The following ZNF587 variants were observed in gnomAD, a reference collection of about 807,000 sequenced individuals.
ZNF587 encodes the protein zinc finger protein 587, also known as zinc finger protein zfp6.
ZNF587 carries 8 observed loss-of-function variants against 7.5 expected under a neutral mutation model. The observed-to-expected ratio is 1.06, with a 90% confidence interval of 0.62 to 1.92. ZNF587 has a LOEUF of 1.92. ZNF587 is among the 40% of genes most tolerant of loss of function. ZNF587 has a pLI of 0.00. For missense variants in ZNF587, 468 were observed against 692.8 expected (o/e 0.68, Z 3.64); for synonymous variants, 145 against 237.8 (o/e 0.61, Z 3.59).
rs924928477 is a variant in ZNF587 at position 57,858,357 on chromosome 19, C to T, written c.164-219C>T. ...GTTCATGCTGGTCTTGAACTTCTGA[C>T]CTCAGGTGATCCACCCGCCTCAGCC... On this transcript the variant is annotated intron_variant, in intron 2 of 2. Transcript: ENST00000339656. 3.7e-6 allele frequency: 3 copies of T among 819,928 alleles called. No individual in the cohort carries two copies. In the African/African-American group the frequency reaches 5.3e-5, roughly 14 times the overall value. 50.8% of individuals were successfully genotyped at this position (819,928 alleles called of 1,614,324 possible).
Position 57,860,985 on chromosome 19 carries a change from G to C in ZNF587, c.*845G>C, listed in dbSNP as rs1365442842. ...TGATTCTTCTGCCTCAGCCTCCCGA[G>C]TAGCAGGGATTACCGGTGTGCACCA... On this transcript the variant is annotated 3_prime_UTR_variant, in exon 3 of 3. Coordinates refer to ENST00000339656, the MANE Select transcript of ZNF587 (RefSeq NM_032828.4). 2 of 152,088 alleles carry C rather than the reference G, an allele frequency of 1.3e-5. No homozygotes were observed. Among genetic ancestry groups the C allele is most frequent in the Non-Finnish European group, 2.9e-5 (2 of 68,046 alleles). 9.4% of individuals were successfully genotyped at this position (152,088 alleles called of 1,614,324 possible). A position where few individuals can be genotyped will look rare whatever the true frequency, so the allele number is the denominator to read the frequency against.
intron 1 of ZNF587, chr19:57,852,398 G>C (rs2071291768): frequency 2.5e-6 from 1 of 398,626 alleles, no homozygotes; most frequent in South Asian, 1.3e-4. Flanking sequence ...ACTGTGGGTT[G>C]AGGGAAGAGG....
intron 1 of ZNF587, chr19:57,852,326 A>C: frequency 2.5e-6 from 1 of 398,582 alleles, no homozygotes; most frequent in Non-Finnish European, 4.4e-6. Flanking sequence ...CAAAGTCAGG[A>C]GGTGATATTA....
chr19:57,855,563 TTG>T (rs1357341800), intron 1 of ZNF587, among the ~76,000 whole-genome samples: 2 of 145,538 alleles, frequency 1.4e-5, no homozygotes, highest in African/African-American at 2.7e-5. Context: ...TGGGCTTTTT[TTG>T]TTTTTTTTTT....
At chr19:57,851,641 G>T in intron 1 of ZNF587, 1 of 152,734 alleles carries the variant, frequency 6.5e-6, no homozygotes, top group South Asian at 2.0e-4. Flanking sequence ...CATCTGTCAG[G>T]AACAACGTGT....
intron 1 of ZNF587, chr19:57,852,255 C>T (rs576208645): frequency 1.3e-5 from 5 of 398,150 alleles, no homozygotes; most frequent in African/African-American, 1.0e-4. Context: ...ATGTAAACAC[C>T]CTTGTAAGAT....
At position 57,852,840 on chromosome 19, in the gene ZNF587, CTTTTTTTTTTT is replaced by C. The variant is rs35543941; in HGVS notation, c.33+2789_33+2799del. ...AATGCGCCCAGCCGAGACAGCTAGGCTTTTTTTTTTTTTTTTTTTTTTTTTTTTTTGAGACG... is the reference window on the plus strand; with the variant it reads ...AATGCGCCCAGCCGAGACAGCTAGGCTTTTTTTTTTTTTTTTTTTGAGACG... On this transcript the variant is annotated intron_variant, in intron 1 of 2. Coordinates refer to ENST00000339656, the MANE Select transcript of ZNF587 (RefSeq NM_032828.4). Among the ~76,000 whole-genome samples the C allele has an allele frequency of 1.4e-3, 36 of 25,280 alleles. 1 individual carries two copies. The highest frequency in any genetic ancestry group is 3.6e-3 in the East Asian group (3 of 842). 16.6% of individuals were successfully genotyped at this position (25,280 alleles called of 152,430 possible).
At chr19:57,850,685 CG>C in intron 1 of ZNF587, 1 of 397,354 alleles carries the variant, frequency 2.5e-6, no homozygotes, top group Non-Finnish European at 4.4e-6. Context: ...ATTTAAAAGG[CG>C]GGTCCAGGTG....
chr19:57,863,092 C>G lies in ZNF587; in HGVS notation c.*2952C>G, dbSNP rs932560208. The G allele has an allele frequency of 3.3e-5, 5 of 152,800 alleles. No homozygotes were observed. Among genetic ancestry groups the G allele is most frequent in the African/African-American group, 9.7e-5 (4 of 41,422 alleles). 9.5% of individuals were successfully genotyped at this position (152,800 alleles called of 1,614,324 possible). ...TCAGCCTCCTGAGTAGCTGGGACCA[C>G]AAGCGCCCACCACGTCAGCTTAATT... On this transcript the variant is annotated 3_prime_UTR_variant, in exon 3 of 3. Coordinates refer to ENST00000339656, the MANE Select transcript of ZNF587 (RefSeq NM_032828.4).
rs892411997 is a variant in ZNF587, at chr19:57,862,488, C to A, written c.*2348C>A. The A allele has an allele frequency of 3.2e-5, 5 of 153,896 alleles. No individual in the cohort carries two copies. The highest frequency in any genetic ancestry group is 1.2e-4 in the African/African-American group (5 of 41,484). The allele number at this position is 153,896 out of a possible 1,614,324, so 9.5% of individuals were successfully genotyped here. ...CATTAACTAATTTCCTCACTCCAAG[C>A]TCTTTTCTAGAGATAATCTCCAGTC... On this transcript the variant is annotated 3_prime_UTR_variant, in exon 3 of 3. Coordinates refer to ENST00000339656, the MANE Select transcript of ZNF587 (RefSeq NM_032828.4).
Position 57,850,684 on chromosome 19 carries a change from G to T in ZNF587, c.33+613G>T, listed in dbSNP as rs1188755384. The T allele has an allele frequency of 1.3e-5, 5 of 397,698 alleles. No individual in the cohort carries two copies. In the East Asian group the frequency reaches 1.8e-4, roughly 14 times the overall value. The allele number at this position is 397,698 out of a possible 1,614,324, so 24.6% of individuals were successfully genotyped here. On this transcript the variant is annotated intron_variant, in intron 1 of 2. Transcript: ENST00000339656. ...AAGAGACAGAATACGCATTTAAAAG[G>T]CGGGTCCAGGTGGCCAGAGCATTGG...
intron 1 of ZNF587, among the ~76,000 whole-genome samples, chr19:57,853,472 G>C (rs2071309060): frequency 6.6e-6 from 1 of 152,178 alleles, no homozygotes; most frequent in South Asian, 2.1e-4. Flanking sequence ...AGGAGGACAT[G>C]CTTCAGATTA....
rs2071458784 is a variant in ZNF587, at chr19:57,863,197, A to G, written c.*3057A>G. 6.6e-6 allele frequency: 1 copy of G among 152,152 alleles called. No individual in the cohort carries two copies. 9.4% of individuals were successfully genotyped at this position (152,152 alleles called of 1,614,324 possible). On this transcript the variant is annotated 3_prime_UTR_variant, in exon 3 of 3. Coordinates refer to ENST00000339656, the MANE Select transcript of ZNF587 (RefSeq NM_032828.4). ...CGTGTCGCAATCTCAGCTCACTGCAACTTCTACCTCCTGGATTCAAGCACT... is the reference window on the plus strand; with the variant it reads ...CGTGTCGCAATCTCAGCTCACTGCAGCTTCTACCTCCTGGATTCAAGCACT...
chr19:57,853,484 G>A (rs1343198777), intron 1 of ZNF587, among the ~76,000 whole-genome samples: 3 of 152,174 alleles, frequency 2.0e-5, no homozygotes, highest in Non-Finnish European at 4.4e-5. Flanking sequence ...TTCAGATTAT[G>A]GTGGTAAATC....
At chr19:57,855,434 C>T (rs762233839) in intron 1 of ZNF587, among the ~76,000 whole-genome samples, 5 of 152,020 alleles carry the variant, frequency 3.3e-5, no homozygotes, top group Non-Finnish European at 7.4e-5. Context: ...TGGCCATGGG[C>T]ATGTGTCTGT....
intron 1 of ZNF587, among the ~76,000 whole-genome samples, chr19:57,854,443 G>A (rs578123792): frequency 6.6e-6 from 1 of 152,024 alleles, no homozygotes; most frequent in South Asian, 2.1e-4. Context: ...TAGTCTGGAT[G>A]CTTATCCACA....
chr19:57,852,452 G>C lies in ZNF587; in HGVS notation c.33+2381G>C, dbSNP rs1339350380. 11 of 398,644 alleles carry C rather than the reference G, an allele frequency of 2.8e-5. No individual in the cohort carries two copies. In the South Asian group the frequency reaches 3.8e-4, roughly 14 times the overall value. The allele number at this position is 398,644 out of a possible 1,614,324, so 24.7% of individuals were successfully genotyped here. A position where few individuals can be genotyped will look rare whatever the true frequency, so the allele number is the denominator to read the frequency against. On this transcript the variant is annotated intron_variant, in intron 1 of 2. Coordinates refer to ENST00000339656, the MANE Select transcript of ZNF587 (RefSeq NM_032828.4). The stretch of plus-strand genomic sequence containing the variant: ...GGCTCCTGCCATAATCCAGGTGAGG[G>C]TTAATGGATCAGATAAGTGGTAAAT...
At position 57,859,813 on chromosome 19, in the gene ZNF587, G is replaced by T; in HGVS notation, c.1401G>T (p.Glu467Asp). The change falls in exon 3 of 3, where the codon GAG (glutamate) becomes GAT (aspartate). Residue 467 changes from glutamate to aspartate, a missense_variant. By Grantham distance (45) the Glu-to-Asp change is conservative. This residue lies in a region of ZNF587 where 310 missense variants were observed against 325.6 expected (regional missense o/e 0.95). Coordinates refer to ENST00000339656, the MANE Select transcript of ZNF587 (RefSeq NM_032828.4). The part of the protein sequence containing the change: ...VHTGERPYAC[E>D]VCGKLFGNKH... ...CTGGAGAAAGGCCATATGCGTGTGA[G>T]GTATGTGGGAAATTATTTGGCAATA... 6.2e-7 allele frequency: 1 copy of T among 1,613,892 alleles called. No individual in the cohort carries two copies. Among genetic ancestry groups the T allele is most frequent in the Non-Finnish European group, 8.5e-7 (1 of 1,179,940 alleles).
At chr19:57,855,551 T>G (rs2071342005) in intron 1 of ZNF587, among the ~76,000 whole-genome samples, 1 of 149,356 alleles carries the variant, frequency 6.7e-6, no homozygotes, top group Non-Finnish European at 1.5e-5. Context: ...CAGAAGGGGG[T>G]GTGGGCTTTT....
Sources: gnomAD v4.1 joint callset for allele counts (sites outside exome capture counted in the v4.1 genomes callset) on GRCh38, gnomAD v4.1.1 for gene constraint, gnomAD v4.1.1 regional missense constraint, MANE v1.5 for transcripts, NCBI Gene and HGNC (gene_info 2026-07-23, HGNC 2026-07-21) for gene names.